Variants in GSE1 observed in about 807,000 individuals in gnomAD.
GSE1 encodes the protein genetic suppressor element 1.
Under a neutral mutation model 112.6 loss-of-function variants are expected in GSE1, and 32 were observed. The observed-to-expected ratio is 0.28, with a 90% CI of 0.21 to 0.38. The LOEUF is 0.38. Ranked by LOEUF, GSE1 falls within the 10% of genes least tolerant of loss-of-function variation. The pLI is 1.00. For synonymous variants in GSE1, 1,115 were observed against 735.6 expected (o/e 1.52, Z -8.35); for missense variants, 2,348 against 1,699.2 (o/e 1.38, Z -6.71).
chr16:85,240,064 G>A (rs1479416033), intron 1 of GSE1, among the ~76,000 whole-genome samples: 2 of 152,284 alleles, frequency 1.3e-5, no homozygotes, highest in African/African-American at 4.8e-5. Flanking sequence ...GGCGCCGCCA[G>A]TGCGTGGCTT....
chr16:85,257,645 TA>T (rs1411715372), intron 1 of GSE1, among the ~76,000 whole-genome samples: 1 of 152,182 alleles, frequency 6.6e-6, no homozygotes, highest in Non-Finnish European at 1.5e-5. Flanking sequence ...CCCCCGTTTC[TA>T]CAAAAAACTT....
At chr16:85,404,930 T>C (rs55660811) in intron 2 of GSE1, among the ~76,000 whole-genome samples, 8 of 12,722 alleles carry the variant, frequency 6.3e-4, no homozygotes, top group East Asian at 7.2e-3. Flanking sequence ...CAGGCCCCCC[T>C]GGATAATCCT....
chr16:85,362,819 G>T (rs2047109898), intron 2 of GSE1, among the ~76,000 whole-genome samples: 1 of 150,470 alleles, frequency 6.6e-6, no homozygotes, highest in Non-Finnish European at 1.5e-5. Flanking sequence ...TTTCTGAAGT[G>T]GTTATTGATA....
chr16:85,188,899 C>T lies in GSE1; in HGVS notation c.2283+17092C>T, dbSNP rs561912814. 7.2e-5 allele frequency among the ~76,000 whole-genome samples: 11 copies of T among 152,174 alleles called. No homozygotes were observed. In the East Asian group the frequency reaches 1.5e-3, roughly 21 times the overall value. On this transcript the variant is annotated intron_variant, in intron 1 of 2. Transcript: ENST00000637419. ...CTGTTCTTACATTCACCTTTCTTAA[C>T]CCTCAAAATTTAATGCAAAATCTGG...
intron 1 of GSE1, among the ~76,000 whole-genome samples, chr16:85,256,260 A>G (rs998999763): frequency 3.3e-5 from 5 of 152,198 alleles, no homozygotes; most frequent in African/African-American, 1.2e-4. Flanking sequence ...CAAACATGTG[A>G]TGATAATAAT....
chr16:85,554,954 G>T, upstream of GSE1: 1 of 985,394 alleles, frequency 1.0e-6, no homozygotes, highest in Non-Finnish European at 1.2e-6. Flanking sequence ...GGTTTGGAGA[G>T]GCGAGCCCGG....
chr16:85,274,451 G>A (rs928002461), intron 1 of GSE1, among the ~76,000 whole-genome samples: 1 of 147,864 alleles, frequency 6.8e-6, no homozygotes, highest in Non-Finnish European at 1.5e-5. Flanking sequence ...TGTATTTATC[G>A]AGCACTCGGC....
At chr16:85,358,329 AC>A (rs1313906874) in intron 2 of GSE1, among the ~76,000 whole-genome samples, 1 of 151,220 alleles carries the variant, frequency 6.6e-6, no homozygotes, top group Non-Finnish European at 1.5e-5. Context: ...ACATGTGGTG[AC>A]CCCCATGATG....
intron 2 of GSE1, among the ~76,000 whole-genome samples, chr16:85,452,138 C>T (rs2049703689): frequency 6.6e-6 from 1 of 152,180 alleles, no homozygotes. Flanking sequence ...TTTAATGAAA[C>T]GAATGGGAGT....
intron 2 of GSE1, among the ~76,000 whole-genome samples, chr16:85,375,424 A>G (rs987844201): frequency 6.6e-6 from 1 of 152,084 alleles, no homozygotes; most frequent in Admixed American, 6.5e-5. Flanking sequence ...GGCGCCCATT[A>G]AGGTGGGACC....
intron 1 of GSE1, among the ~76,000 whole-genome samples, chr16:85,603,110 C>T (rs1325315594): frequency 6.6e-6 from 1 of 152,276 alleles, no homozygotes; most frequent in Non-Finnish European, 1.5e-5. Flanking sequence ...CCTCCAGCTG[C>T]TCAGAGCTCA....
At chr16:85,571,503 A>T (rs555854650) in intron 1 of GSE1, among the ~76,000 whole-genome samples, 3 of 152,222 alleles carry the variant, frequency 2.0e-5, no homozygotes, top group Non-Finnish European at 4.4e-5. Flanking sequence ...GCCAGTCCTC[A>T]GCCCAGAAGC....
rs943392380 is a variant in GSE1 at position 85,373,407 on chromosome 16, A to G, written c.2464+15764A>G. On this transcript the variant is annotated intron_variant, in intron 2 of 2. Transcript: ENST00000637419. The surrounding 1 kb of genome is among the most constrained non-coding windows in gnomAD (Gnocchi z 5.1). The stretch of plus-strand genomic sequence containing the variant: ...GTCAAACAGACAAAAAATGGAAAGA[A>G]AGCAAGGGAGGGAAGAGCAGAGGAG... Among the ~76,000 whole-genome samples, 5 of 152,128 alleles carry G rather than the reference A, an allele frequency of 3.3e-5. No homozygotes were observed. Among genetic ancestry groups the G allele is most frequent in the African/African-American group, 1.2e-4 (5 of 41,438 alleles).
At chr16:85,188,191 G>A (rs1187401441) in intron 1 of GSE1, among the ~76,000 whole-genome samples, 3 of 152,172 alleles carry the variant, frequency 2.0e-5, no homozygotes, top group African/African-American at 7.2e-5. Flanking sequence ...TCTGAGAGAC[G>A]GAGGGGCATT....
intron 2 of GSE1, among the ~76,000 whole-genome samples, chr16:85,449,083 C>G (rs770421471): frequency 3.3e-5 from 5 of 152,192 alleles, no homozygotes; most frequent in Non-Finnish European, 5.9e-5. Context: ...GGAAACCGGG[C>G]CGGGAGCAGC....
chr16:85,237,885 C>T (rs1326531785), intron 1 of GSE1, among the ~76,000 whole-genome samples: 1 of 152,076 alleles, frequency 6.6e-6, no homozygotes, highest in Non-Finnish European at 1.5e-5. Flanking sequence ...ATGAAACCTC[C>T]CTGTGGCAAG....
intron 2 of GSE1, among the ~76,000 whole-genome samples, chr16:85,525,298 G>A (rs371055651): frequency 4.6e-5 from 7 of 151,982 alleles, no homozygotes; most frequent in African/African-American, 9.7e-5. Flanking sequence ...CAGACAGCCC[G>A]TCTCCTGGGA....
upstream of GSE1, among the ~76,000 whole-genome samples, chr16:85,551,205 C>G (rs2044898779): frequency 6.6e-6 from 1 of 152,218 alleles, no homozygotes; most frequent in African/African-American, 2.4e-5. Context: ...AGCATTGCCA[C>G]CACCAGGCTT....
chr16:85,404,102 CG>C (rs2048187531), intron 2 of GSE1, among the ~76,000 whole-genome samples: 1 of 137,064 alleles, frequency 7.3e-6, no homozygotes, highest in Non-Finnish European at 1.6e-5. Flanking sequence ...AGGGCCCCCC[CG>C]GATAATCCTC....
Sources: allele counts gnomAD v4.1 joint callset (sites outside exome capture counted in the v4.1 genomes callset), GRCh38; gene constraint gnomAD v4.1.1; non-coding constraint Gnocchi (gnomAD v3.1); transcripts MANE v1.5; gene names NCBI Gene and HGNC (gene_info 2026-07-23, HGNC 2026-07-21).